CLASP1: variants seen among roughly 807,000 people sequenced by gnomAD.
The protein encoded by CLASP1 is CLIP-associating protein 1.
A neutral mutation model predicts 192.3 loss-of-function variants in CLASP1; 38 were observed. The ratio of observed to expected loss-of-function variants is 0.20; its 90% CI spans 0.15 to 0.26. CLASP1 has a LOEUF of 0.26. Among genes scored for constraint, CLASP1 ranks in the 10% least tolerant of loss-of-function variants. The probability of loss-of-function intolerance (pLI) is 1.00; values close to 1 mark genes in which losing one functional copy is unlikely to be tolerated. For missense variants in CLASP1, 1,433 were observed against 1,932.5 expected (o/e 0.74, Z 4.85); for synonymous variants, 691 against 712.8 (o/e 0.97, Z 0.49).
At chr2:121,361,493 T>A (rs2066400377) in intron 37 of CLASP1, among the ~76,000 whole-genome samples, 1 of 152,226 alleles carries the variant, frequency 6.6e-6, no homozygotes, top group South Asian at 2.1e-4. Flanking sequence ...CTGCTATGCA[T>A]ACAGTTCCTC....
exon 14 of CLASP1, chr2:121,457,689 T>C: frequency 6.2e-7 from 1 of 1,609,118 alleles, no homozygotes. Flanking sequence ...AAATTTACCT[T>C]CTAACTGCGA....
intron 8 of CLASP1, among the ~76,000 whole-genome samples, chr2:121,471,399 CAAA>C (rs1272524417): frequency 6.6e-6 from 1 of 152,030 alleles, no homozygotes; most frequent in Admixed American, 6.6e-5. Context: ...GGAGGCTAAA[CAAA>C]GAACTTAAGA....
intron 8 of CLASP1, among the ~76,000 whole-genome samples, chr2:121,471,668 C>CA (rs1276400869): frequency 6.6e-6 from 1 of 152,110 alleles, no homozygotes; most frequent in Non-Finnish European, 1.5e-5. Flanking sequence ...GTTTATTCAA[C>CA]ACAGCGTAGG....
chr2:121,409,000 A>G, intron 24 of CLASP1: 2 of 1,549,416 alleles, frequency 1.3e-6, no homozygotes, highest in Non-Finnish European at 1.7e-6. Context: ...TAAAGTTGTA[A>G]AACAAAAGTT....
intron 1 of CLASP1, among the ~76,000 whole-genome samples, chr2:121,623,865 C>T (rs1242560472): frequency 6.6e-6 from 1 of 152,072 alleles, no homozygotes; most frequent in Non-Finnish European, 1.5e-5. Flanking sequence ...CAAAAGAGAC[C>T]TTCTATTTCT....
At chr2:121,569,944 T>TAA (rs1322633014) in intron 2 of CLASP1, among the ~76,000 whole-genome samples, 1 of 152,144 alleles carries the variant, frequency 6.6e-6, no homozygotes, top group African/African-American at 2.4e-5. Context: ...TGGTTAAGAG[T>TAA]GCAGACTCTG....
At chr2:121,403,812 T>C (rs763125596) in intron 26 of CLASP1, 70 of 463,732 alleles carry the variant, frequency 1.5e-4, no homozygotes, top group South Asian at 1.0e-3. Context: ...GGGCTTAGTG[T>C]TCCCTATGGC....
intron 30 of CLASP1, among the ~76,000 whole-genome samples, chr2:121,389,320 T>C (rs914456210): frequency 2.0e-5 from 3 of 152,210 alleles, no homozygotes; most frequent in African/African-American, 4.8e-5. Flanking sequence ...AATACACTTT[T>C]CTGCATTTCA....
chr2:121,363,193 G>A, exon 37 of CLASP1: 1 of 1,613,930 alleles, frequency 6.2e-7, no homozygotes, highest in Non-Finnish European at 8.5e-7. Flanking sequence ...AGTCTTTGTG[G>A]GCTTCCAGAG....
intron 8 of CLASP1, among the ~76,000 whole-genome samples, chr2:121,478,866 ACAC>A (rs2092192868): frequency 1.3e-5 from 1 of 75,382 alleles, no homozygotes; most frequent in Non-Finnish European, 2.7e-5. Flanking sequence ...CACACCACAC[ACAC>A]ACCACACCAC....
Position 121,530,985 on chromosome 2 carries a change from A to G in CLASP1, c.196-660T>C, listed in dbSNP as rs983574623. ...CCGCATCAACTAGAGCTTTTGCTTT[A>G]TTTTGGTGCAATTTTTGGAAAAATG... On this transcript the variant is annotated intron_variant, in intron 2 of 39. Coordinates refer to ENST00000263710, the Ensembl canonical transcript of CLASP1. 9 of 700,236 alleles carry G rather than the reference A, an allele frequency of 1.3e-5. No homozygotes were observed. The highest frequency in any genetic ancestry group is 7.0e-5 in the African/African-American group (4 of 57,180). The allele number at this position is 700,236 out of a possible 1,614,324, so 43.4% of individuals were successfully genotyped here. A position where few individuals can be genotyped will look rare whatever the true frequency, so the allele number is the denominator to read the frequency against.
At chr2:121,416,092 C>A (rs1309044536) in intron 23 of CLASP1, among the ~76,000 whole-genome samples, 1 of 152,138 alleles carries the variant, frequency 6.6e-6, no homozygotes, top group African/African-American at 2.4e-5. Context: ...ATAGTTCAGA[C>A]TGAAATAGTT....
intron 1 of CLASP1, among the ~76,000 whole-genome samples, chr2:121,624,658 C>T (rs2106149927): frequency 6.6e-6 from 1 of 152,314 alleles, no homozygotes; most frequent in South Asian, 2.1e-4. Context: ...CTCAGGTGAT[C>T]CACCTGCCTT....
chr2:121,527,653 G>A, intron 5 of CLASP1, 146 bp downstream of exon 5: 1 of 631,002 alleles, frequency 1.6e-6, no homozygotes, highest in Non-Finnish European at 2.8e-6. Flanking sequence ...TATTCAAGGT[G>A]CTAACACTGG....
chr2:121,490,624 A>G (rs991108349), intron 8 of CLASP1, among the ~76,000 whole-genome samples: 1 of 152,218 alleles, frequency 6.6e-6, no homozygotes, highest in African/African-American at 2.4e-5. Flanking sequence ...AAAAAGAAAA[A>G]TATCAAAAAG....
At position 121,457,641 on chromosome 2, in the gene CLASP1, G is replaced by C. The variant is rs2086983081; in HGVS notation, c.1385+46C>G. ...GGAAGGAGATTTGGAATTTGTTTTG[G>C]TTTTTAAACAATTCAAAAACAATGA... is the stretch of plus-strand genomic sequence containing the variant. On this transcript the variant is annotated intron_variant, in intron 14 of 39. Coordinates refer to ENST00000263710, the Ensembl canonical transcript of CLASP1. The C allele has an allele frequency of 5.4e-6, 8 of 1,482,028 alleles. No individual in the cohort carries two copies. In the Middle Eastern group the frequency reaches 5.2e-4, roughly 96 times the overall value. 91.8% of individuals were successfully genotyped at this position (1,482,028 alleles called of 1,614,324 possible).
At chr2:121,433,558 C>T (rs559109160) in intron 19 of CLASP1, among the ~76,000 whole-genome samples, 2 of 152,236 alleles carry the variant, frequency 1.3e-5, no homozygotes, top group African/African-American at 4.8e-5. Context: ...AGTTTGACAC[C>T]AGCTTGGCTA....
intron 7 of CLASP1, among the ~76,000 whole-genome samples, chr2:121,514,009 C>G (rs2094216030): frequency 6.6e-6 from 1 of 152,232 alleles, no homozygotes; most frequent in South Asian, 2.1e-4. Flanking sequence ...GGGGCCCTCC[C>G]CAAATCCACA....
intron 38 of CLASP1, 72 bp downstream of exon 39, chr2:121,348,440 A>C: frequency 7.4e-7 from 1 of 1,357,948 alleles, no homozygotes; most frequent in Non-Finnish European, 1.0e-6. Flanking sequence ...AGGAGCACAA[A>C]GCCCTTACAT....
Sources: gnomAD v4.1 joint callset for allele counts (sites outside exome capture counted in the v4.1 genomes callset) on GRCh38, gnomAD v4.1.1 for gene constraint, MANE v1.5 for transcripts, NCBI Gene and HGNC (gene_info 2026-07-23, HGNC 2026-07-21) for gene names.